DOCK2: variants seen among roughly 807,000 people sequenced by gnomAD.
DOCK2 encodes dedicator of cytokinesis 2, also known as dedicator of cytokinesis protein 2.
DOCK2 carries 87 observed loss-of-function variants against 248.9 expected under a neutral mutation model. The observed-to-expected ratio is 0.35, with a 90% confidence interval of 0.29 to 0.42. DOCK2 has a LOEUF of 0.42. Ranked by LOEUF, DOCK2 falls within the 10% of genes least tolerant of loss-of-function variation. The probability of loss-of-function intolerance (pLI) is 1.00; values close to 1 mark genes in which losing one functional copy is unlikely to be tolerated. For missense variants in DOCK2, 1,747 were observed against 2,300.2 expected, an observed-to-expected ratio of 0.76 and a Z score of 4.92; for synonymous variants, 805 against 821.6, an observed-to-expected ratio of 0.98 and a Z score of 0.35.
chr5:169,798,029 C>T (rs13178978), intron 25 of DOCK2, among the ~76,000 whole-genome samples: 18,594 of 152,210 alleles, frequency 0.12, 1,434 homozygotes, highest in Non-Finnish European at 0.17. Context: ...TGACTCTCCA[C>T]ACCATGAGCC....
At chr5:169,700,855 G>A (rs527507797) in intron 13 of DOCK2, among the ~76,000 whole-genome samples, 135 of 151,958 alleles carry the variant, frequency 8.9e-4, no homozygotes, top group Non-Finnish European at 1.6e-3. Flanking sequence ...AATTCGGAGA[G>A]GGGAGAGAGG....
In DOCK2 at chr5:169,875,499, G is replaced by A. The variant is rs188050595; in HGVS notation, c.2799+34647G>A. 265 of 324,088 alleles carry A rather than the reference G, an allele frequency of 8.2e-4. 2 individuals carry two copies. Among genetic ancestry groups the A allele is most frequent in the Non-Finnish European group, 4.5e-4 (73 of 162,720 alleles). 20.1% of individuals were successfully genotyped at this position (324,088 alleles called of 1,614,324 possible). ...TCTGGCATCTGGAAGGCAGCATGCT[G>A]TGGAATCTGGCTTGTTGGAAGACAG... On this transcript the variant is annotated intron_variant, in intron 27 of 51. Coordinates refer to ENST00000520908, the MANE Select transcript of DOCK2 (RefSeq NM_004946.3).
At chr5:169,930,096 T>C (rs1040763770) in intron 27 of DOCK2, among the ~76,000 whole-genome samples, 4 of 152,174 alleles carry the variant, frequency 2.6e-5, no homozygotes, top group African/African-American at 9.7e-5. Context: ...GTTCCGGTGA[T>C]TCCCCTGCCT....
At chr5:169,892,617 C>T (rs903291977) in intron 27 of DOCK2, among the ~76,000 whole-genome samples, 1 of 152,214 alleles carries the variant, frequency 6.6e-6, no homozygotes, top group Non-Finnish European at 1.5e-5. Flanking sequence ...TTCTACCACT[C>T]CAACCCTCTA....
rs74946838 is a variant in DOCK2 at position 169,812,765 on chromosome 5, G to A, written c.2703+9559G>A. ...TCATATGCTCTTTCTGCTGTTCCAG[G>A]CTGCTTCTAAAACATCCCTATAATT... is the stretch of plus-strand genomic sequence containing the variant. On this transcript the variant is annotated intron_variant, in intron 26 of 51. Coordinates refer to ENST00000520908, the MANE Select transcript of DOCK2 (RefSeq NM_004946.3). Among the ~76,000 whole-genome samples, 7 of 152,194 alleles carry A rather than the reference G, an allele frequency of 4.6e-5. No homozygotes were observed. In the East Asian group the frequency reaches 1.2e-3, roughly 25 times the overall value.
At chr5:169,930,780 C>T (rs1030281476) in intron 27 of DOCK2, among the ~76,000 whole-genome samples, 1 of 152,190 alleles carries the variant, frequency 6.6e-6, no homozygotes, top group Non-Finnish European at 1.5e-5. Flanking sequence ...CCTCCATTTC[C>T]AGGTTGTTGA....
chr5:170,011,894 C>A (rs971183521), intron 32 of DOCK2, among the ~76,000 whole-genome samples: 2 of 152,180 alleles, frequency 1.3e-5, no homozygotes, highest in African/African-American at 2.4e-5. Context: ...AACTTACATT[C>A]TGAGAATGAA....
intron 27 of DOCK2, among the ~76,000 whole-genome samples, chr5:169,977,602 G>C (rs1777761038): frequency 6.6e-6 from 1 of 152,178 alleles, no homozygotes; most frequent in Non-Finnish European, 1.5e-5. Flanking sequence ...GCTGAGATTT[G>C]AACTCAGGCT....
chr5:170,065,311 A>G (rs879898304), intron 44 of DOCK2, among the ~76,000 whole-genome samples: 3 of 152,214 alleles, frequency 2.0e-5, no homozygotes, highest in Non-Finnish European at 4.4e-5. Flanking sequence ...ATCAAATCAC[A>G]AAGGAAGAAA....
intron 44 of DOCK2, 93 bp downstream of exon 44, chr5:170,057,759 C>T (rs1325932079): frequency 1.7e-6 from 2 of 1,162,422 alleles, no homozygotes; most frequent in Non-Finnish European, 2.4e-6. Flanking sequence ...AAAAAGGAGA[C>T]ATGTTTTTCT....
In DOCK2 at chr5:169,759,743, T is replaced by C. The variant is rs781369336; in HGVS notation, c.2415T>C (p.Asp805=). 19 of 1,613,944 alleles carry C rather than the reference T, an allele frequency of 1.2e-5. No individual in the cohort carries two copies. Among genetic ancestry groups the C allele is most frequent in the Non-Finnish European group, 1.5e-5 (18 of 1,179,938 alleles). Residue 805 remains aspartate, a synonymous_variant, in exon 24 of 52, where the codon GAT becomes GAC. Coordinates refer to ENST00000520908, the MANE Select transcript of DOCK2 (RefSeq NM_004946.3). ...ALKYIPSVLH[D]VEMVFDAKLL... ...AATACATCCCATCTGTCCTGCATGA[T>C]GTAGAAATGGTCTTTGATGCGAAGT... is the stretch of plus-strand genomic sequence containing the variant.
At position 169,649,928 on chromosome 5, in the gene DOCK2, C is replaced by T. The variant is rs565772537; in HGVS notation, c.44-4475C>T. On this transcript the variant is annotated intron_variant, in intron 1 of 51. Transcript: ENST00000520908. ...AAGCAATTCTCCTGCCTCAGTCCCC[C>T]GAGTAGCTGGGACTACAGGTGTACC... Among the ~76,000 whole-genome samples, 461 of 152,090 alleles carry T rather than the reference C, an allele frequency of 3.0e-3. 3 individuals are homozygous for T. The highest frequency in any genetic ancestry group is 0.01 in the African/African-American group (418 of 41,450).
At chr5:169,837,560 C>A (rs1371009253) in intron 26 of DOCK2, among the ~76,000 whole-genome samples, 1 of 152,122 alleles carries the variant, frequency 6.6e-6, no homozygotes, top group Non-Finnish European at 1.5e-5. Context: ...GAGTTGCAGC[C>A]ACCACTTACT....
chr5:169,736,414 A>G (rs1188537415), intron 22 of DOCK2, among the ~76,000 whole-genome samples: 1 of 152,062 alleles, frequency 6.6e-6, no homozygotes, highest in Non-Finnish European at 1.5e-5. Flanking sequence ...ATATGTTTTA[A>G]TGTAATATTC....
At chr5:169,883,942 C>T in intron 27 of DOCK2, 1 of 1,439,902 alleles carries the variant, frequency 6.9e-7, no homozygotes, top group Non-Finnish European at 9.2e-7. Flanking sequence ...TTCTCCTAGG[C>T]ACATCTCCCC....
chr5:170,067,602 G>T lies in DOCK2; in HGVS notation c.4560G>T (p.Glu1520Asp), dbSNP rs1401325096. The part of the protein sequence containing the change: ...LMMINQYQSD[E>D]TLPINPLSML... ...TGATAAACCAGTACCAGAGTGATGA[G>T]ACCCTCCCCATCAACCCACTCTCCA... The change falls in exon 45 of 52, where the codon GAG becomes GAT. Residue 1520 changes from glutamate (E) to aspartate (D), a missense_variant. Glu to Asp is a conservative substitution (Grantham distance 45). Around this residue, in one of 4 missense-constraint regions of DOCK2, gnomAD observed 513 missense variants for 586.1 expected, o/e 0.88. Transcript: ENST00000520908. 1 of 1,614,126 alleles carries T rather than the reference G, an allele frequency of 6.2e-7. No individual in the cohort carries two copies. Among genetic ancestry groups the T allele is most frequent in the Admixed American group, 1.7e-5 (1 of 60,026 alleles).
chr5:169,755,473 T>C (rs568934060), intron 23 of DOCK2, among the ~76,000 whole-genome samples: 1 of 152,302 alleles, frequency 6.6e-6, no homozygotes, highest in South Asian at 2.1e-4. Context: ...CTGGGCACGG[T>C]GGCTCCAGCC....
At chr5:169,785,115 C>T (rs1765915709) in intron 25 of DOCK2, among the ~76,000 whole-genome samples, 1 of 152,148 alleles carries the variant, frequency 6.6e-6, no homozygotes, top group Admixed American at 6.5e-5. Flanking sequence ...AAGAGATGAA[C>T]TCGTATGTTG....
intron 22 of DOCK2, among the ~76,000 whole-genome samples, chr5:169,724,135 G>A (rs2113589080): frequency 6.6e-6 from 1 of 152,302 alleles, no homozygotes; most frequent in Middle Eastern, 3.4e-3. Flanking sequence ...GGCTGGCCAT[G>A]TTGAGGGGCT....
Sources: allele counts gnomAD v4.1 joint callset (sites outside exome capture counted in the v4.1 genomes callset), GRCh38; gene constraint gnomAD v4.1.1; regional missense constraint gnomAD v4.1.1; transcripts MANE v1.5; gene names NCBI Gene and HGNC (gene_info 2026-07-23, HGNC 2026-07-21).